ZZZ3: variants seen among roughly 807,000 people sequenced by gnomAD.
ZZZ3 encodes the protein zinc finger ZZ-type containing 3, also known as ZZ-type zinc finger-containing protein 3.
ZZZ3 carries 22 observed loss-of-function variants against 95.2 expected under a neutral mutation model. The ratio of observed to expected loss-of-function variants is 0.23; its 90% CI spans 0.17 to 0.33. The LOEUF (loss-of-function observed/expected upper bound fraction) is 0.33. Among genes scored for constraint, ZZZ3 ranks in the 10% least tolerant of loss-of-function variants. ZZZ3 has a pLI of 1.00. For missense variants in ZZZ3, 885 were observed against 1,066.5 expected, an observed-to-expected ratio of 0.83 and a Z score of 2.37; for synonymous variants, 335 against 358.9, an observed-to-expected ratio of 0.93 and a Z score of 0.75.
intron 1 of ZZZ3, among the ~76,000 whole-genome samples, chr1:77,648,401 A>T (rs1394613626): frequency 6.6e-6 from 1 of 151,980 alleles, no homozygotes; most frequent in Non-Finnish European, 1.5e-5. Flanking sequence ...ATATCACTTA[A>T]AATGAGAAAA....
At chr1:77,596,535 A>G (rs1429441943) in intron 5 of ZZZ3, among the ~76,000 whole-genome samples, 1 of 152,124 alleles carries the variant, frequency 6.6e-6, no homozygotes, top group African/African-American at 2.4e-5. Context: ...TTTAAAAGTT[A>G]TTTACAAGTT....
chr1:77,616,034 C>T (rs1666277181), intron 5 of ZZZ3, among the ~76,000 whole-genome samples: 1 of 152,014 alleles, frequency 6.6e-6, no homozygotes, highest in African/African-American at 2.4e-5. Context: ...TGTTTATACA[C>T]ATTATACACT....
intron 5 of ZZZ3, among the ~76,000 whole-genome samples, chr1:77,623,247 G>C (rs1052297171): frequency 6.6e-6 from 1 of 152,130 alleles, no homozygotes; most frequent in African/African-American, 2.4e-5. Flanking sequence ...AAAACAGTTT[G>C]GGGAAGCTGA....
At chr1:77,574,052 G>A (rs7545175) in intron 12 of ZZZ3, among the ~76,000 whole-genome samples, 91,181 of 149,112 alleles carry the variant, frequency 0.61, 29,967 homozygotes, top group Non-Finnish European at 0.74. Context: ...TTTATTCCAA[G>A]ATAATTTAAA....
At chr1:77,611,921 G>T (rs1048199208) in intron 5 of ZZZ3, among the ~76,000 whole-genome samples, 3 of 151,946 alleles carry the variant, frequency 2.0e-5, no homozygotes, top group African/African-American at 7.2e-5. Context: ...TGTTGGCAAT[G>T]ATTTTTTGGG....
intron 1 of ZZZ3, among the ~76,000 whole-genome samples, chr1:77,647,175 G>GA (rs1669357598): frequency 6.6e-6 from 1 of 152,084 alleles, no homozygotes; most frequent in Admixed American, 6.5e-5. Context: ...ATAAGAATCG[G>GA]AAAAAAATAC....
intron 4 of ZZZ3, 67 bp downstream of exon 4, chr1:77,639,382 C>CAAAAA: frequency 9.5e-7 from 1 of 1,055,454 alleles, no homozygotes; most frequent in South Asian, 2.1e-5. Flanking sequence ...CTCCCCATCT[C>CAAAAA]AAAAAAAAAA....
At chr1:77,634,613 C>T (rs1668133087) in intron 4 of ZZZ3, among the ~76,000 whole-genome samples, 1 of 152,154 alleles carries the variant, frequency 6.6e-6, no homozygotes, top group South Asian at 2.1e-4. Context: ...CCCACCCTTT[C>T]CTTCTTTGAA....
At chr1:77,613,917 C>T (rs755487492) in intron 5 of ZZZ3, among the ~76,000 whole-genome samples, 4 of 152,076 alleles carry the variant, frequency 2.6e-5, no homozygotes, top group Non-Finnish European at 1.5e-5. Flanking sequence ...GCCACAATAA[C>T]TTAATAACAA....
At chr1:77,679,304 TTTTTA>T (rs1234330770) in intron 1 of ZZZ3, among the ~76,000 whole-genome samples, 1 of 152,136 alleles carries the variant, frequency 6.6e-6, no homozygotes, top group Non-Finnish European at 1.5e-5. Flanking sequence ...AATTTAGGTG[TTTTTA>T]TTTTATTTTT....
intron 5 of ZZZ3, among the ~76,000 whole-genome samples, chr1:77,606,140 G>A (rs952251890): frequency 7.2e-5 from 11 of 152,172 alleles, no homozygotes; most frequent in African/African-American, 2.7e-4. Context: ...CAACCTGGCA[G>A]CATTGACTAC....
chr1:77,669,010 C>CAAAA (rs77072107), intron 1 of ZZZ3, among the ~76,000 whole-genome samples: 1 of 123,264 alleles, frequency 8.1e-6, no homozygotes. Context: ...TTTTGTGTTA[C>CAAAA]AAAAAAAAAA....
rs576177626 is a variant in ZZZ3 at position 77,613,790 on chromosome 1, T to C, written c.1505+18060A>G. Among the ~76,000 whole-genome samples the C allele has an allele frequency of 5.3e-5, 8 of 152,244 alleles. No homozygotes were observed. In the East Asian group the frequency reaches 7.7e-4, roughly 15 times the overall value. On this transcript the variant is annotated intron_variant, in intron 5 of 14. Transcript: ENST00000370801. ...AACTAAACAAGTTATATCCTACATATTGACTTTTCCCCTATGTCGAATATA... is the reference window on the plus strand; with the variant it reads ...AACTAAACAAGTTATATCCTACATACTGACTTTTCCCCTATGTCGAATATA...
At chr1:77,656,766 G>A (rs902164804) in intron 1 of ZZZ3, among the ~76,000 whole-genome samples, 1 of 152,146 alleles carries the variant, frequency 6.6e-6, no homozygotes, top group Admixed American at 6.6e-5. Context: ...CAGTTCCCAA[G>A]CTAGTTTCAG....
At chr1:77,598,285 A>C (rs1156812904) in intron 5 of ZZZ3, among the ~76,000 whole-genome samples, 1 of 152,172 alleles carries the variant, frequency 6.6e-6, no homozygotes, top group African/African-American at 2.4e-5. Context: ...GAAAATCATA[A>C]GGAAGAGAAA....
intron 5 of ZZZ3, among the ~76,000 whole-genome samples, chr1:77,608,998 TA>T (rs1206893320): frequency 1.3e-5 from 2 of 150,456 alleles, no homozygotes; most frequent in African/African-American, 4.9e-5. Flanking sequence ...AACCAGAAAA[TA>T]AATAACAAAA....
At position 77,632,284 on chromosome 1, in the gene ZZZ3, A is replaced by G; in HGVS notation, c.1071T>C (p.Val357=). The part of the protein sequence containing the change: ...PASGEPEPSP[V]LDCVSAQMMS... ...TCATTTGAGCTGAAACACAGTCTAG[A>G]ACAGGAGATGGTTCAGGTTCTCCGG... The change falls in exon 5 of 15, where the codon GTT becomes GTC. Residue 357 remains valine (V), a synonymous_variant. Coordinates refer to ENST00000370801, the MANE Select transcript of ZZZ3 (RefSeq NM_015534.6). 1 of 1,614,110 alleles carries G rather than the reference A, an allele frequency of 6.2e-7. No homozygotes were observed. The highest frequency in any genetic ancestry group is 8.5e-7 in the Non-Finnish European group (1 of 1,180,004).
At chr1:77,624,210 C>A (rs1667134999) in intron 5 of ZZZ3, among the ~76,000 whole-genome samples, 1 of 152,194 alleles carries the variant, frequency 6.6e-6, no homozygotes, top group South Asian at 2.1e-4. Context: ...CAGTTCCTGA[C>A]ACAGAGCTCC....
At chr1:77,637,754 T>G (rs1180639775) in intron 4 of ZZZ3, among the ~76,000 whole-genome samples, 1 of 152,214 alleles carries the variant, frequency 6.6e-6, no homozygotes, top group East Asian at 1.9e-4. Context: ...AAAGCAGTTG[T>G]TTTCCTCATT....
Sources: allele counts gnomAD v4.1 joint callset (sites outside exome capture counted in the v4.1 genomes callset), GRCh38; gene constraint gnomAD v4.1.1; transcripts MANE v1.5; gene names NCBI Gene and HGNC (gene_info 2026-07-23, HGNC 2026-07-21).